SLC30A10: variants seen among roughly 807,000 people sequenced by gnomAD.
SLC30A10 encodes solute carrier family 30 member 10.
SLC30A10 carries 8 observed loss-of-function variants against 21.7 expected under a neutral mutation model. That is an observed-to-expected ratio of 0.37 (90% confidence interval 0.22 to 0.67). The LOEUF is 0.67. Among genes scored for constraint, SLC30A10 ranks in the 30% least tolerant of loss-of-function variants. The pLI is 0.58. For synonymous variants in SLC30A10, 272 were observed against 279.4 expected (o/e 0.97, Z 0.26); for missense variants, 521 against 642.5 (o/e 0.81, Z 2.04).
chr1:219,915,570 C>T lies in SLC30A10; in HGVS notation c.1337G>A (p.Ser446Asn), dbSNP rs767250708. ...SLDTYGSDGL[S>N]RRDAREVAIE... Reference sequence around the variant, plus strand: ...AGCCACTTCTCTTGCGTCTCTTCTACTGAGGCCATCACTTCCGTATGTGTC... The same window carrying T: ...AGCCACTTCTCTTGCGTCTCTTCTATTGAGGCCATCACTTCCGTATGTGTC... Residue 446 changes from serine (S) to asparagine (N), a missense_variant, in exon 4 of 4, where the codon AGT becomes AAT. Transcript: ENST00000366926. The T allele has an allele frequency of 6.8e-5, 109 of 1,614,136 alleles. No homozygotes were observed. The highest frequency in any genetic ancestry group is 8.6e-5 in the Non-Finnish European group (102 of 1,180,060).
chr1:219,940,519 T>C (rs1314158068), intron 1 of SLC30A10, among the ~76,000 whole-genome samples: 32 of 152,150 alleles, frequency 2.1e-4, no homozygotes, highest in Admixed American at 2.0e-3. Context: ...TGGTTTGTTA[T>C]AGAGTAACTG....
At position 219,918,865 on chromosome 1, in the gene SLC30A10, T is replaced by G. The variant is rs1351368368; in HGVS notation, c.719-371A>C. 1 of 181,086 alleles carries G rather than the reference T, an allele frequency of 5.5e-6. No homozygotes were observed. The highest frequency in any genetic ancestry group is 1.1e-5 in the Non-Finnish European group (1 of 87,594). The allele number at this position is 181,086 out of a possible 1,614,324, so 11.2% of individuals were successfully genotyped here. A position where few individuals can be genotyped will look rare whatever the true frequency, so the allele number is the denominator to read the frequency against. On this transcript the variant is annotated intron_variant, in intron 2 of 3. Coordinates refer to ENST00000366926, the MANE Select transcript of SLC30A10 (RefSeq NM_018713.3). The surrounding 1 kb of genome is among the most constrained non-coding windows in gnomAD (Gnocchi z 4.4). ...TTTTCTTTCAGACAATCATCTGTGC[T>G]TTACGTTGTTTTAAACATGTTTAAG... is the stretch of plus-strand genomic sequence containing the variant.
At position 219,912,465 on chromosome 1, in the gene SLC30A10, T is replaced by C. The variant is rs1571785907; in HGVS notation, c.*2984A>G. 6.6e-6 allele frequency among the ~76,000 whole-genome samples: 1 copy of C among 152,198 alleles called. No homozygotes were observed. The highest frequency in any genetic ancestry group is 1.5e-5 in the Non-Finnish European group (1 of 68,036). On this transcript the variant is annotated 3_prime_UTR_variant, in exon 4 of 4. Transcript: ENST00000366926. Reference sequence around the variant, plus strand: ...TAGAAACAGAAGTGCAGTAGGGCCGTGTAGAAGGCCAGGTGAGCACACAGG... The same window carrying C: ...TAGAAACAGAAGTGCAGTAGGGCCGCGTAGAAGGCCAGGTGAGCACACAGG...
Position 219,945,565 on chromosome 1 carries a change from T to A in SLC30A10, n.80+13003A>T, listed in dbSNP as rs371855012. ...CAACAAAAATGTGAAAACAGCAAAA[T>A]GTGAAAAAAGAAGTTACAAAACATG... On this transcript the variant is annotated intron_variant and non_coding_transcript_variant, in intron 1 of 8. Transcript: ENST00000484239. 3.8e-4 allele frequency among the ~76,000 whole-genome samples: 57 copies of A among 151,792 alleles called. 1 individual carries two copies. Among genetic ancestry groups the A allele is most frequent in the African/African-American group, 1.2e-3 (51 of 41,400 alleles).
rs1272806263 is a variant in SLC30A10 at position 219,927,083 on chromosome 1, A to T, written c.663T>A (p.Asn221Lys). ...CTTTTTTCATCATGTCTTCTGGCTCATTCTGGGTGTTGAAGGAATCACCTG... is the reference window on the plus strand; with the variant it reads ...CTTTTTTCATCATGTCTTCTGGCTCTTTCTGGGTGTTGAAGGAATCACCTG... ...NVAGDSFNTQ[N>K]EPEDMMKKEK... Residue 221 changes from asparagine to lysine, a missense_variant, in exon 2 of 4, where the codon AAT (asparagine) becomes AAA (lysine). By Grantham distance (94) the Asn-to-Lys change is moderately conservative. Transcript: ENST00000366926. 3 of 1,614,096 alleles carry T rather than the reference A, an allele frequency of 1.9e-6. No homozygotes were observed. The highest frequency in any genetic ancestry group is 2.7e-5 in the African/African-American group (2 of 75,048).
rs1659843883 is a variant in SLC30A10 at position 219,927,101 on chromosome 1, A to G, written c.645T>C (p.Asp215=). 6.2e-7 allele frequency: 1 copy of G among 1,614,016 alleles called. No individual in the cohort carries two copies. Reference sequence around the variant, plus strand: ...CTGGCTCATTCTGGGTGTTGAAGGAATCACCTGCATTCAAAGAAGAAACCT... The same window carrying G: ...CTGGCTCATTCTGGGTGTTGAAGGAGTCACCTGCATTCAAAGAAGAAACCT... The part of the protein sequence containing the change: ...GATVFANVAG[D]SFNTQNEPED... Residue 215 remains aspartate (D), a synonymous_variant, in exon 2 of 4, where the codon GAT becomes GAC. Coordinates refer to ENST00000366926, the MANE Select transcript of SLC30A10 (RefSeq NM_018713.3).
Position 219,915,198 on chromosome 1 carries a change from T to G in SLC30A10, c.*251A>C. 1 of 513,752 alleles carries G rather than the reference T, an allele frequency of 1.9e-6. No homozygotes were observed. The highest frequency in any genetic ancestry group is 3.5e-6 in the Non-Finnish European group (1 of 285,058). 31.8% of individuals were successfully genotyped at this position (513,752 alleles called of 1,614,324 possible). ...GATATATACACTAGTGCAGTTTGCT[T>G]TAGAAAATGCATGTTCAAGCTGAAA... On this transcript the variant is annotated 3_prime_UTR_variant, in exon 4 of 4. Coordinates refer to ENST00000366926, the MANE Select transcript of SLC30A10 (RefSeq NM_018713.3).
intron 1 of SLC30A10, among the ~76,000 whole-genome samples, chr1:219,944,622 G>A (rs760470966): frequency 1.1e-4 from 16 of 152,124 alleles, no homozygotes; most frequent in Non-Finnish European, 1.6e-4. Flanking sequence ...GATAAAGGGA[G>A]GTAAGGTTTC....
intron 1 of SLC30A10, among the ~76,000 whole-genome samples, chr1:219,950,438 G>A (rs546051338): frequency 1.1e-4 from 17 of 152,186 alleles, no homozygotes; most frequent in African/African-American, 4.1e-4. Flanking sequence ...AGGAGATCGA[G>A]ACCATCCTGG....
rs76661553 is a variant in SLC30A10, at chr1:219,939,946, G to T, written n.81-12841C>A. 7.3e-3 allele frequency among the ~76,000 whole-genome samples: 1,116 copies of T among 152,256 alleles called. 9 individuals carry two copies. Among genetic ancestry groups the T allele is most frequent in the African/African-American group, 0.025 (1,042 of 41,550 alleles). On this transcript the variant is annotated intron_variant and non_coding_transcript_variant, in intron 1 of 8. Transcript: ENST00000484239. ...GGAAGTGATGAGAATCATAGCCAAG[G>T]GGCAAACCGGGCAGATTGTTTTTCT...
At chr1:219,940,700 G>A (rs1182287928) in intron 1 of SLC30A10, among the ~76,000 whole-genome samples, 1 of 152,198 alleles carries the variant, frequency 6.6e-6, no homozygotes, top group African/African-American at 2.4e-5. Context: ...CATGTCCTGA[G>A]TGAACAGATT....
At chr1:219,954,692 A>G (rs5781152) in intron 1 of SLC30A10, among the ~76,000 whole-genome samples, 25 of 135,206 alleles carry the variant, frequency 1.8e-4, no homozygotes, top group African/African-American at 5.9e-4. Context: ...AAAAAAAAAA[A>G]AAAAAAAAAA....
chr1:219,932,370 C>T (rs1659981207), upstream of SLC30A10, among the ~76,000 whole-genome samples: 1 of 152,150 alleles, frequency 6.6e-6, no homozygotes, highest in Non-Finnish European at 1.5e-5. Flanking sequence ...TTCACAAATT[C>T]AGAGATTATG....
intron 1 of SLC30A10, among the ~76,000 whole-genome samples, chr1:219,943,696 A>C (rs1316627162): frequency 6.6e-6 from 1 of 152,258 alleles, no homozygotes; most frequent in Non-Finnish European, 1.5e-5. Context: ...AGCAATTACA[A>C]ATACATTTGA....
intron 1 of SLC30A10, among the ~76,000 whole-genome samples, chr1:219,957,406 A>G (rs1379253274): frequency 6.6e-6 from 1 of 152,218 alleles, no homozygotes; most frequent in Non-Finnish European, 1.5e-5. Context: ...ACTCAGTTAT[A>G]TAATGGCCCA....
At position 219,925,651 on chromosome 1, in the gene SLC30A10, A is replaced by ATATATATATATATTT. The variant is rs1317554458; in HGVS notation, c.718+1376_718+1377insAAATATATATATATA. On this transcript the variant is annotated intron_variant, in intron 2 of 3. Transcript: ENST00000366926. ...TGTGTACATATATATATATATATAT[A>ATATATATATATATTT]TTTTTTTTTTTTTTTTTTTTTTGAG... Among the ~76,000 whole-genome samples the ATATATATATATATTT allele has an allele frequency of 3.9e-4, 19 of 48,280 alleles. 1 individual carries two copies. Among genetic ancestry groups the ATATATATATATATTT allele is most frequent in the East Asian group, 8.2e-4 (1 of 1,220 alleles). The allele number at this position is 48,280 out of a possible 152,430, so 31.7% of individuals were successfully genotyped here.
At position 219,945,195 on chromosome 1, in the gene SLC30A10, A is replaced by G. The variant is rs76269905; in HGVS notation, n.80+13373T>C. The stretch of plus-strand genomic sequence containing the variant: ...GGGTGTAAAGGTAGGAAGGGTGGCT[A>G]TGACTACTAAAGGGTACCATGAGGG... On this transcript the variant is annotated intron_variant and non_coding_transcript_variant, in intron 1 of 8. Transcript: ENST00000484239. Among the ~76,000 whole-genome samples the G allele has an allele frequency of 9.5e-3, 1,449 of 152,324 alleles. 7 individuals are homozygous for G. The highest frequency in any genetic ancestry group is 0.061 in the Middle Eastern group (18 of 294).
At chr1:219,955,768 T>G (rs914279408) in intron 1 of SLC30A10, among the ~76,000 whole-genome samples, 2 of 152,200 alleles carry the variant, frequency 1.3e-5, no homozygotes, top group African/African-American at 2.4e-5. Context: ...TGGATTCTGA[T>G]CATGAAGCCA....
At chr1:219,951,063 T>C (rs929234243) in intron 1 of SLC30A10, among the ~76,000 whole-genome samples, 6 of 152,132 alleles carry the variant, frequency 3.9e-5, no homozygotes, top group Middle Eastern at 3.2e-3. Flanking sequence ...CAGGCTCAGG[T>C]GATCCTCCCA....
Sources: gnomAD v4.1 joint callset for allele counts (sites outside exome capture counted in the v4.1 genomes callset) on GRCh38, gnomAD v4.1.1 for gene constraint, Gnocchi (gnomAD v3.1) non-coding constraint, MANE v1.5 for transcripts, NCBI Gene and HGNC (gene_info 2026-07-23, HGNC 2026-07-21) for gene names.